The following CADPS2 variants were observed in gnomAD, a reference collection of about 807,000 sequenced individuals.
CADPS2 encodes calcium-dependent secretion activator 2.
A neutral mutation model predicts 172.5 loss-of-function variants in CADPS2; 93 were observed. The ratio of observed to expected loss-of-function variants is 0.54; its 90% CI spans 0.46 to 0.64. The LOEUF (loss-of-function observed/expected upper bound fraction) is 0.64, where lower values mean the gene tolerates loss of function less well. Ranked by LOEUF, CADPS2 falls within the 30% of genes least tolerant of loss-of-function variation. The pLI, the probability that CADPS2 is intolerant of heterozygous loss-of-function variation, is 0.00. For synonymous variants in CADPS2, 546 were observed against 555.2 expected (o/e 0.98, Z 0.23); for missense variants, 1,420 against 1,565.9 (o/e 0.91, Z 1.57).
intron 6 of CADPS2, chr7:122,585,547 C>G (rs992478571): frequency 6.6e-6 from 1 of 150,954 alleles, no homozygotes; most frequent in Non-Finnish European, 1.5e-5. Context: ...TTATTTTCTA[C>G]TTAATTGGCA....
intron 1 of CADPS2, among the ~76,000 whole-genome samples, chr7:122,738,050 G>T (rs1232114298): frequency 1.3e-5 from 2 of 152,098 alleles, no homozygotes; most frequent in Admixed American, 6.5e-5. Context: ...GCGTCTTTGA[G>T]CACATAGGAG....
At chr7:122,503,461 C>T (rs965754515) in intron 9 of CADPS2, among the ~76,000 whole-genome samples, 1 of 152,118 alleles carries the variant, frequency 6.6e-6, no homozygotes, top group Non-Finnish European at 1.5e-5. Context: ...TATTTAAACT[C>T]ATGATGAAAG....
intron 17 of CADPS2, among the ~76,000 whole-genome samples, chr7:122,433,407 T>G (rs866816851): frequency 1.6e-5 from 1 of 63,044 alleles, no homozygotes. Flanking sequence ...GTTTTTTTGG[T>G]TTTTTTTTTT....
chr7:122,512,374 C>T (rs916052756), intron 9 of CADPS2, among the ~76,000 whole-genome samples: 1 of 151,986 alleles, frequency 6.6e-6, no homozygotes, highest in Non-Finnish European at 1.5e-5. Flanking sequence ...TTAAGAATTC[C>T]AAGAGTGATA....
At chr7:122,833,449 C>T (rs1281510982) in intron 1 of CADPS2, among the ~76,000 whole-genome samples, 3 of 152,118 alleles carry the variant, frequency 2.0e-5, no homozygotes, top group Non-Finnish European at 4.4e-5. Context: ...CTCCCGGGTT[C>T]GAGCAATTCT....
chr7:122,868,737 T>G (rs186978596), intron 1 of CADPS2, among the ~76,000 whole-genome samples: 1 of 152,220 alleles, frequency 6.6e-6, no homozygotes, highest in African/African-American at 2.4e-5. Context: ...CTTATGCTAA[T>G]GAATGGAGAT....
chr7:122,774,600 T>C (rs1028874538), intron 1 of CADPS2, among the ~76,000 whole-genome samples: 4 of 152,166 alleles, frequency 2.6e-5, no homozygotes, highest in African/African-American at 7.2e-5. Context: ...TGCTATAGAG[T>C]ACATTTCTTA....
chr7:122,758,901 A>C (rs2093272016), intron 1 of CADPS2, among the ~76,000 whole-genome samples: 1 of 152,162 alleles, frequency 6.6e-6, no homozygotes, highest in South Asian at 2.1e-4. Context: ...AAATAAATGA[A>C]AGCACCAAGG....
chr7:122,523,666 A>T (rs1481730789), intron 8 of CADPS2, among the ~76,000 whole-genome samples: 1 of 152,166 alleles, frequency 6.6e-6, no homozygotes, highest in Non-Finnish European at 1.5e-5. Flanking sequence ...TAATATATGC[A>T]TTACCTCAAT....
chr7:122,413,052 C>T (rs1304586061), intron 19 of CADPS2: 2 of 152,260 alleles, frequency 1.3e-5, no homozygotes, highest in Admixed American at 6.5e-5. Context: ...CCTGAGTCTT[C>T]ACCCAATCAC....
intron 1 of CADPS2, among the ~76,000 whole-genome samples, chr7:122,783,192 C>CAA (rs1001289886): frequency 9.5e-5 from 6 of 63,434 alleles, no homozygotes; most frequent in Admixed American, 1.9e-4. Context: ...GACTCCATCT[C>CAA]AAAAAAAAAA....
At chr7:122,346,090 A>G (rs1419710157) in intron 27 of CADPS2, among the ~76,000 whole-genome samples, 1 of 151,978 alleles carries the variant, frequency 6.6e-6, no homozygotes, top group Non-Finnish European at 1.5e-5. Flanking sequence ...AAATGCGCTG[A>G]GTGCCATGGC....
chr7:122,394,542 G>A (rs908598659), intron 20 of CADPS2, among the ~76,000 whole-genome samples: 2 of 152,166 alleles, frequency 1.3e-5, no homozygotes, highest in African/African-American at 4.8e-5. Flanking sequence ...CTGTGGTCAG[G>A]AAAGGTATTC....
rs1313938339 is a variant in CADPS2 at position 122,886,313 on chromosome 7, C to T, written c.25G>A (p.Glu9Lys). The change falls in exon 1 of 30, where the codon GAG becomes AAG. Residue 9 changes from glutamate (E) to lysine (K), a missense_variant. Coordinates refer to ENST00000449022, the MANE Select transcript of CADPS2 (RefSeq NM_017954.11). MLDPSSSEEESDEGLEEES... is the reference protein window; with the variant it reads MLDPSSSEKESDEGLEEES... ...TCTTCCAGCCCCTCGTCCGACTCCT[C>T]TTCGCTGGAAGACGGGTCCAGCATG... 6.7e-7 allele frequency: 1 copy of T among 1,503,336 alleles called. No homozygotes were observed. Among genetic ancestry groups the T allele is most frequent in the South Asian group, 1.2e-5 (1 of 81,038 alleles). The allele number at this position is 1,503,336 out of a possible 1,614,324, so 93.1% of individuals were successfully genotyped here.
chr7:122,565,827 C>T (rs964861431), intron 7 of CADPS2, among the ~76,000 whole-genome samples: 3 of 152,112 alleles, frequency 2.0e-5, no homozygotes, highest in Non-Finnish European at 2.9e-5. Flanking sequence ...AATTTTCAAG[C>T]GTATAATTCA....
At chr7:122,479,980 A>G in intron 12 of CADPS2, 1 of 353,240 alleles carries the variant, frequency 2.8e-6, no homozygotes, top group Non-Finnish European at 6.1e-6. Flanking sequence ...ACATTGTATT[A>G]TGTTACATAT....
intron 1 of CADPS2, among the ~76,000 whole-genome samples, chr7:122,829,939 AAG>A (rs1456710133): frequency 3.9e-5 from 6 of 152,194 alleles, no homozygotes. Flanking sequence ...TAAGAAGAGC[AAG>A]AGAGATGAGA....
chr7:122,760,302 T>A (rs2093334471), intron 1 of CADPS2, among the ~76,000 whole-genome samples: 1 of 152,066 alleles, frequency 6.6e-6, no homozygotes, highest in African/African-American at 2.4e-5. Flanking sequence ...TGTATATGTA[T>A]ATTTAGGTAA....
Position 122,679,268 on chromosome 7 carries a change from G to GGGC in CADPS2, c.454-15700_454-15699insGCC, listed in dbSNP as rs1015039699. Among the ~76,000 whole-genome samples, 3 of 100,954 alleles carry GGGC rather than the reference G, an allele frequency of 3.0e-5. 1 individual carries two copies. In the East Asian group the frequency reaches 1.2e-3, roughly 41 times the overall value. The allele number at this position is 100,954 out of a possible 152,430, so 66.2% of individuals were successfully genotyped here. On this transcript the variant is annotated intron_variant, in intron 2 of 29. Transcript: ENST00000449022. The stretch of plus-strand genomic sequence containing the variant: ...CCCTGGGAAAAGAATGCATTCCTGG[G>GGGC]GGGGGGGGGCTCTAAAATGGCCACC...
Sources: gnomAD v4.1 joint callset for allele counts (sites outside exome capture counted in the v4.1 genomes callset) on GRCh38, gnomAD v4.1.1 for gene constraint, MANE v1.5 for transcripts, NCBI Gene and HGNC (gene_info 2026-07-23, HGNC 2026-07-21) for gene names.